SGCG: variants seen among roughly 807,000 people sequenced by gnomAD.
The protein encoded by SGCG is gamma-sarcoglycan.
Under a neutral mutation model 29.3 loss-of-function variants are expected in SGCG, and 26 were observed. The observed-to-expected ratio is 0.89, with a 90% CI of 0.65 to 1.23. The LOEUF (loss-of-function observed/expected upper bound fraction) is 1.23, where lower values mean the gene tolerates loss of function less well. Ranked by LOEUF, SGCG falls within the 50% of genes most tolerant of loss-of-function variation. SGCG has a pLI of 0.00. For synonymous variants in SGCG, 145 were observed against 129.7 expected (o/e 1.12, Z -0.80); for missense variants, 353 against 356.0 (o/e 0.99, Z 0.07).
intron 4 of SGCG, among the ~76,000 whole-genome samples, chr13:23,254,429 G>T (rs986437318): frequency 2.0e-5 from 3 of 152,012 alleles, no homozygotes; most frequent in African/African-American, 4.8e-5. Context: ...TACTGCAGAA[G>T]AAATTTCTAA....
At chr13:23,285,393 G>A (rs1405763344) in intron 5 of SGCG, among the ~76,000 whole-genome samples, 2 of 152,194 alleles carry the variant, frequency 1.3e-5, no homozygotes, top group Admixed American at 6.5e-5. Context: ...CTTCTCAGCG[G>A]CTTTGTTTGC....
chr13:23,264,407 C>G (rs1163652660), intron 4 of SGCG, among the ~76,000 whole-genome samples: 1 of 151,622 alleles, frequency 6.6e-6, no homozygotes, highest in Admixed American at 6.6e-5. Context: ...AACTACAAAA[C>G]ATTGCTGAAA....
At chr13:23,259,497 C>G (rs1880343068) in intron 4 of SGCG, among the ~76,000 whole-genome samples, 1 of 152,048 alleles carries the variant, frequency 6.6e-6, no homozygotes, top group Non-Finnish European at 1.5e-5. Flanking sequence ...AAAACCAGCT[C>G]CTAGATTCAT....
chr13:23,244,855 C>T (rs1249582857), intron 3 of SGCG: 3 of 152,238 alleles, frequency 2.0e-5, no homozygotes, highest in Admixed American at 6.5e-5. Flanking sequence ...ATTCCTGAGG[C>T]GCCGGAGTGG....
chr13:23,179,829 A>T (rs1279899489), upstream of SGCG, among the ~76,000 whole-genome samples: 1 of 152,248 alleles, frequency 6.6e-6, no homozygotes, highest in Non-Finnish European at 1.5e-5. Flanking sequence ...AGAAGAAAAT[A>T]AAATGAGAAT....
At chr13:23,165,023 T>A in the SGCG span, among the ~76,000 whole-genome samples, 1 of 152,204 alleles carries the variant, frequency 6.6e-6, no homozygotes, top group Non-Finnish European at 1.5e-5. Flanking sequence ...TCTCCTGCAC[T>A]TTCCCTTGAG....
At chr13:23,173,252 A>G in the SGCG span, among the ~76,000 whole-genome samples, 11 of 152,292 alleles carry the variant, frequency 7.2e-5, no homozygotes, top group African/African-American at 2.4e-4. Context: ...TCAAAGATCC[A>G]TGCAAAAAGT....
At chr13:23,290,850 A>G (rs1264826959) in intron 5 of SGCG, among the ~76,000 whole-genome samples, 1 of 152,194 alleles carries the variant, frequency 6.6e-6, no homozygotes, top group African/African-American at 2.4e-5. Flanking sequence ...AATTGAAGGA[A>G]CCTAGAAACA....
At chr13:23,217,941 C>A (rs1188161630) in intron 2 of SGCG, among the ~76,000 whole-genome samples, 1 of 151,930 alleles carries the variant, frequency 6.6e-6, no homozygotes, top group African/African-American at 2.4e-5. Context: ...TACAACAAAC[C>A]AGCAGCCAAG....
At chr13:23,282,391 T>C (rs1881340822) in intron 5 of SGCG, among the ~76,000 whole-genome samples, 2 of 152,192 alleles carry the variant, frequency 1.3e-5, no homozygotes, top group Non-Finnish European at 2.9e-5. Flanking sequence ...TATAGGTAAC[T>C]TGTGTCATGG....
At chr13:23,286,615 T>C (rs1377058083) in intron 5 of SGCG, among the ~76,000 whole-genome samples, 1 of 152,226 alleles carries the variant, frequency 6.6e-6, no homozygotes, top group African/African-American at 2.4e-5. Context: ...TTTTTTCTTA[T>C]ACATACATAC....
intron 2 of SGCG, among the ~76,000 whole-genome samples, chr13:23,217,929 T>C (rs901473744): frequency 1.3e-5 from 2 of 152,084 alleles, no homozygotes. Flanking sequence ...ATACAAAATA[T>C]TTACAACAAA....
chr13:23,286,873 G>A (rs1477841736), intron 5 of SGCG, among the ~76,000 whole-genome samples: 1 of 152,174 alleles, frequency 6.6e-6, no homozygotes, highest in Non-Finnish European at 1.5e-5. Flanking sequence ...TAACACTTAT[G>A]AATTGTTTAT....
chr13:23,227,553 A>G (rs1878949761), intron 2 of SGCG, among the ~76,000 whole-genome samples: 1 of 152,194 alleles, frequency 6.6e-6, no homozygotes, highest in Non-Finnish European at 1.5e-5. Context: ...CCTTGAATGG[A>G]CAAACCGTTT....
chr13:23,193,915 G>A (rs2137484815), intron 1 of SGCG, among the ~76,000 whole-genome samples: 1 of 152,208 alleles, frequency 6.6e-6, no homozygotes, highest in East Asian at 1.9e-4. Flanking sequence ...TTATGAAAGG[G>A]CCTGAGAATT....
chr13:23,253,832 G>A (rs1448092450), intron 4 of SGCG, among the ~76,000 whole-genome samples: 1 of 152,128 alleles, frequency 6.6e-6, no homozygotes, highest in African/African-American at 2.4e-5. Context: ...ATGACATCTG[G>A]TTGTTTAAAA....
intron 6 of SGCG, among the ~76,000 whole-genome samples, chr13:23,314,407 T>TATATATATATAA (rs1439124394): frequency 3.5e-5 from 5 of 140,954 alleles, no homozygotes; most frequent in African/African-American, 1.3e-4. Context: ...TATATATATA[T>TATATATATATAA]AATCTTATTC....
At chr13:23,218,993 T>C (rs752146108) in intron 2 of SGCG, among the ~76,000 whole-genome samples, 42 of 148,872 alleles carry the variant, frequency 2.8e-4, no homozygotes, top group Middle Eastern at 3.5e-3. Context: ...CCAAAAAGCA[T>C]AGTTTTTTTT....
chr13:23,161,532 TG>T, the SGCG span, among the ~76,000 whole-genome samples: 1 of 152,262 alleles, frequency 6.6e-6, no homozygotes, highest in Non-Finnish European at 1.5e-5. Context: ...CAATGTAATA[TG>T]GGTCTTCCCA....
Sources: gnomAD v4.1 joint callset for allele counts (sites outside exome capture counted in the v4.1 genomes callset) on GRCh38, gnomAD v4.1.1 for gene constraint, MANE v1.5 for transcripts, NCBI Gene and HGNC (gene_info 2026-07-23, HGNC 2026-07-21) for gene names.